Variants in PRKCB observed in about 807,000 individuals in gnomAD.
PRKCB encodes the protein protein kinase C beta type.
In PRKCB, 13 loss-of-function variants were observed where a neutral mutation model predicts 81.5. That is an observed-to-expected ratio of 0.16 (90% CI 0.10 to 0.25). The LOEUF (loss-of-function observed/expected upper bound fraction) is 0.25, where lower values mean the gene tolerates loss of function less well. Ranked by LOEUF, PRKCB falls within the 10% of genes least tolerant of loss-of-function variation. The pLI is 1.00. For synonymous variants in PRKCB, 335 were observed against 321.4 expected (o/e 1.04, Z -0.45); for missense variants, 509 against 875.7 (o/e 0.58, Z 5.29).
rs552792395 is a variant in PRKCB at position 24,156,780 on chromosome 16, G to T, written c.1239+1923G>T. ...TTCAAGTGGTGATAGAGACAAGGCT[G>T]GGATTTAAACCTCTAGGCTCCCCTA... On this transcript the variant is annotated intron_variant, in intron 10 of 16. Coordinates refer to ENST00000643927, the MANE Select transcript of PRKCB (RefSeq NM_002738.7). Among the ~76,000 whole-genome samples the T allele has an allele frequency of 3.3e-5, 5 of 152,292 alleles. No individual in the cohort carries two copies. In the East Asian group the frequency reaches 7.7e-4, roughly 24 times the overall value.
At chr16:24,043,054 T>C (rs1965722845) in intron 5 of PRKCB, among the ~76,000 whole-genome samples, 1 of 152,180 alleles carries the variant, frequency 6.6e-6, no homozygotes, top group African/African-American at 2.4e-5. Context: ...AAGTGTACAA[T>C]GGCTGAGTTT....
At chr16:23,898,160 G>C (rs1238610362) in intron 2 of PRKCB, among the ~76,000 whole-genome samples, 1 of 151,482 alleles carries the variant, frequency 6.6e-6, no homozygotes, top group African/African-American at 2.4e-5. Context: ...CCGCCTCCCA[G>C]GTTCACGCCA....
chr16:24,103,864 G>A (rs1966542228), intron 7 of PRKCB, among the ~76,000 whole-genome samples: 1 of 152,080 alleles, frequency 6.6e-6, no homozygotes, highest in East Asian at 1.9e-4. Context: ...GGAGTGCAAC[G>A]CCGCGATCTT....
chr16:24,061,919 A>G (rs1269311357), intron 5 of PRKCB, among the ~76,000 whole-genome samples: 3 of 146,694 alleles, frequency 2.0e-5, no homozygotes, highest in Admixed American at 6.7e-5. Flanking sequence ...ATAAAAAAAA[A>G]AAAAAAAAAA....
At chr16:24,035,170 C>A (rs1965597686) in intron 4 of PRKCB, among the ~76,000 whole-genome samples, 1 of 152,166 alleles carries the variant, frequency 6.6e-6, no homozygotes, top group Non-Finnish European at 1.5e-5. Context: ...TTGCTTCAGA[C>A]TGCACCCTTG....
At chr16:23,880,824 A>T (rs1557671) in intron 2 of PRKCB, among the ~76,000 whole-genome samples, 119,462 of 152,094 alleles carry the variant, frequency 0.79, 47,038 homozygotes, top group East Asian at 0.98. Context: ...CTATCTACCC[A>T]TGTCTCTCTG....
At chr16:23,867,028 CCTTCCTTCCTTCCTTCCTTCCT>C (rs1348994193) in intron 2 of PRKCB, among the ~76,000 whole-genome samples, 22 of 87,880 alleles carry the variant, frequency 2.5e-4, no homozygotes, top group African/African-American at 7.7e-4. Flanking sequence ...TTCCTTCCTT[CCTTCCTTCCTTCCTTCCTTCCT>C]TCTCTCTCTC....
chr16:24,074,007 C>A (rs1036199395), intron 5 of PRKCB, among the ~76,000 whole-genome samples: 2 of 151,906 alleles, frequency 1.3e-5, no homozygotes, highest in Non-Finnish European at 2.9e-5. Context: ...TGGTGGCGGG[C>A]GCCTGTAGTA....
At position 24,164,879 on chromosome 16, in the gene PRKCB, G is replaced by A. The variant is rs536920250; in HGVS notation, c.1240-7391G>A. Among the ~76,000 whole-genome samples, 252 of 152,236 alleles carry A rather than the reference G, an allele frequency of 1.7e-3. 2 individuals carry two copies. Among genetic ancestry groups the A allele is most frequent in the Admixed American group, 3.1e-3 (47 of 15,282 alleles). ...ATAAGGAAGATTTTGCAATAATTTC[G>A]TAGGAGGAATGGGGAACAAAGGCAA... On this transcript the variant is annotated intron_variant, in intron 10 of 16. Transcript: ENST00000643927.
chr16:24,090,103 A>C (rs148732993), intron 5 of PRKCB, among the ~76,000 whole-genome samples: 1 of 152,176 alleles, frequency 6.6e-6, no homozygotes, highest in African/African-American at 2.4e-5. Context: ...TTTGTCCCCT[A>C]TATCCCCAGG....
At chr16:23,981,767 C>T (rs1394033225) in intron 2 of PRKCB, among the ~76,000 whole-genome samples, 20 of 27,790 alleles carry the variant, frequency 7.2e-4, no homozygotes, top group Admixed American at 7.5e-4. Context: ...TTCCCTTCCC[C>T]TTCCCTTCCC....
At chr16:24,037,297 T>C (rs1965635956) in intron 5 of PRKCB, among the ~76,000 whole-genome samples, 1 of 152,212 alleles carries the variant, frequency 6.6e-6, no homozygotes, top group South Asian at 2.1e-4. Context: ...CCTTCTATTA[T>C]TCTTGTTTTA....
At chr16:24,010,627 T>C (rs1965190441) in intron 3 of PRKCB, among the ~76,000 whole-genome samples, 1 of 152,178 alleles carries the variant, frequency 6.6e-6, no homozygotes, top group African/African-American at 2.4e-5. Context: ...GGACATATCC[T>C]TAGTTAGGAG....
At chr16:24,174,730 T>C in intron 12 of PRKCB, 150 bp downstream of exon 12, 1 of 702,294 alleles carries the variant, frequency 1.4e-6, no homozygotes. Context: ...CCAGGCAGCA[T>C]CGCCCACTGC....
In PRKCB at chr16:23,836,142, G is replaced by A. The variant is rs763455165; in HGVS notation, c.-34G>A. 7.2e-7 allele frequency: 1 copy of A among 1,384,262 alleles called. No individual in the cohort carries two copies. The allele number at this position is 1,384,262 out of a possible 1,614,324, so 85.7% of individuals were successfully genotyped here. Reference sequence around the variant, plus strand: ...CCCGCGGTCCCGCGGCCCCGGGGCCGGCACCTCTCGGGCTCCGGCTCCCCG... The same window carrying A: ...CCCGCGGTCCCGCGGCCCCGGGGCCAGCACCTCTCGGGCTCCGGCTCCCCG... On this transcript the variant is annotated 5_prime_UTR_variant, in exon 1 of 17. Transcript: ENST00000643927.
At chr16:23,878,720 G>A (rs1963056833) in intron 2 of PRKCB, among the ~76,000 whole-genome samples, 2 of 152,198 alleles carry the variant, frequency 1.3e-5, no homozygotes, top group South Asian at 2.1e-4. Context: ...ATTTTAGCAA[G>A]AGGTGAATTT....
At chr16:24,106,456 A>G (rs1966580395) in intron 7 of PRKCB, among the ~76,000 whole-genome samples, 1 of 152,214 alleles carries the variant, frequency 6.6e-6, no homozygotes, top group Non-Finnish European at 1.5e-5. Context: ...GAGAGAGTGA[A>G]GCAAAAAATG....
intron 2 of PRKCB, among the ~76,000 whole-genome samples, chr16:23,888,237 G>T (rs1963235573): frequency 6.6e-6 from 1 of 152,214 alleles, no homozygotes; most frequent in Non-Finnish European, 1.5e-5. Context: ...GACAGATGCT[G>T]ATACCAAGTG....
chr16:24,211,557 CTT>C (rs34318557), intron 16 of PRKCB, among the ~76,000 whole-genome samples: 46 of 130,360 alleles, frequency 3.5e-4, no homozygotes, highest in Admixed American at 4.7e-4. Flanking sequence ...TACAGACTCA[CTT>C]TTTTTTTTTT....
Sources: gnomAD v4.1 joint callset for allele counts (sites outside exome capture counted in the v4.1 genomes callset) on GRCh38, gnomAD v4.1.1 for gene constraint, MANE v1.5 for transcripts, NCBI Gene and HGNC (gene_info 2026-07-23, HGNC 2026-07-21) for gene names.